STXBP5L: variants seen among roughly 807,000 people sequenced by gnomAD.
STXBP5L encodes syntaxin-binding protein 5-like.
A neutral mutation model predicts 144.5 loss-of-function variants in STXBP5L; 65 were observed. The observed-to-expected ratio is 0.45, with a 90% confidence interval of 0.37 to 0.55. STXBP5L has a LOEUF of 0.55. STXBP5L is among the 20% of genes least tolerant of loss of function. STXBP5L has a pLI of 0.00. For missense variants in STXBP5L, 1,298 were observed against 1,405.5 expected (o/e 0.92, Z 1.22); for synonymous variants, 505 against 469.6 (o/e 1.08, Z -0.97).
chr3:121,233,798 G>C (rs2049383207), intron 12 of STXBP5L, 110 bp downstream of exon 12: 1 of 831,690 alleles, frequency 1.2e-6, no homozygotes, highest in South Asian at 2.4e-5. Flanking sequence ...TGGTTTGCTA[G>C]AATTACAGAA....
chr3:121,165,659 G>A (rs912784518), intron 9 of STXBP5L, among the ~76,000 whole-genome samples: 1 of 152,046 alleles, frequency 6.6e-6, no homozygotes, highest in African/African-American at 2.4e-5. Context: ...GAAAAAAAGG[G>A]AAACAAGGAC....
chr3:120,933,806 T>C (rs926575317), intron 2 of STXBP5L, among the ~76,000 whole-genome samples: 14 of 152,140 alleles, frequency 9.2e-5, no homozygotes, highest in African/African-American at 2.9e-4. Context: ...TAGCTTGATC[T>C]TGAAGAACTA....
intron 3 of STXBP5L, among the ~76,000 whole-genome samples, chr3:121,023,077 C>G (rs1303127840): frequency 6.6e-6 from 1 of 151,830 alleles, no homozygotes; most frequent in Non-Finnish European, 1.5e-5. Context: ...ATAATGCACA[C>G]AAATCAGTAG....
chr3:121,179,778 G>A (rs1158698274), intron 9 of STXBP5L, among the ~76,000 whole-genome samples: 1 of 152,036 alleles, frequency 6.6e-6, no homozygotes. Context: ...CACACTTAGG[G>A]AAATACAAAA....
In STXBP5L at chr3:120,977,698, A is replaced by G. The variant is rs545344360; in HGVS notation, c.287+22661A>G. On this transcript the variant is annotated intron_variant, in intron 3 of 26. Coordinates refer to ENST00000471454, the MANE Select transcript of STXBP5L (RefSeq NM_001308330.2). ...TGGCTGGTACCAGTTGTTTCTTTCC[A>G]TGTTTAGTGCTTCCTTCAGGAGCTC... Among the ~76,000 whole-genome samples, 16 of 152,058 alleles carry G rather than the reference A, an allele frequency of 1.1e-4. No homozygotes were observed. In the South Asian group the frequency reaches 3.1e-3, roughly 30 times the overall value.
At chr3:120,917,592 G>A (rs1288154749) in intron 2 of STXBP5L, among the ~76,000 whole-genome samples, 2 of 152,028 alleles carry the variant, frequency 1.3e-5, no homozygotes, top group South Asian at 2.1e-4. Flanking sequence ...CTACTGAGGA[G>A]GATGAGGGGG....
chr3:121,259,233 CCTTG>C, intron 18 of STXBP5L, 65 bp downstream of exon 18: 1 of 1,293,420 alleles, frequency 7.7e-7, no homozygotes, highest in Non-Finnish European at 1.0e-6. Context: ...TTTAGATGTT[CCTTG>C]CTTAAGTCCT....
chr3:120,975,904 A>T (rs919187720), intron 3 of STXBP5L, among the ~76,000 whole-genome samples: 23 of 152,104 alleles, frequency 1.5e-4, no homozygotes, highest in African/African-American at 5.6e-4. Context: ...CCACTTGATC[A>T]TGGTGGATAA....
chr3:121,358,190 C>T (rs575708791), intron 20 of STXBP5L, among the ~76,000 whole-genome samples: 1 of 152,078 alleles, frequency 6.6e-6, no homozygotes, highest in Admixed American at 6.5e-5. Context: ...ATTGTTCTGT[C>T]AAATAGTAGG....
chr3:121,322,368 C>T (rs2043999975), intron 20 of STXBP5L, among the ~76,000 whole-genome samples: 1 of 150,788 alleles, frequency 6.6e-6, no homozygotes, highest in African/African-American at 2.4e-5. Flanking sequence ...ATCCCAGCTA[C>T]TAGGGAGGCT....
intron 6 of STXBP5L, among the ~76,000 whole-genome samples, chr3:121,120,078 T>C (rs536287465): frequency 1.3e-3 from 202 of 151,518 alleles, no homozygotes; most frequent in Admixed American, 2.0e-3. Flanking sequence ...ATTTGCATAG[T>C]ACAGGCTCTA....
intron 2 of STXBP5L, among the ~76,000 whole-genome samples, chr3:120,946,956 G>C (rs528050838): frequency 2.4e-4 from 36 of 151,634 alleles, no homozygotes; most frequent in Non-Finnish European, 4.4e-4. Context: ...CCTTAACTCA[G>C]GGTAGTATGA....
intron 11 of STXBP5L, among the ~76,000 whole-genome samples, chr3:121,230,437 T>G (rs995424521): frequency 5.4e-5 from 8 of 149,128 alleles, no homozygotes; most frequent in Non-Finnish European, 8.9e-5. Flanking sequence ...GACTTGTACA[T>G]GCAGCCAGAT....
At chr3:120,957,504 T>A (rs527967367) in intron 3 of STXBP5L, among the ~76,000 whole-genome samples, 10 of 152,190 alleles carry the variant, frequency 6.6e-5, no homozygotes, top group African/African-American at 2.4e-4. Flanking sequence ...CTTGTAGTGT[T>A]CTTTTTTGTT....
chr3:121,053,558 G>A (rs930193511), intron 5 of STXBP5L, among the ~76,000 whole-genome samples: 1 of 150,334 alleles, frequency 6.7e-6, no homozygotes, highest in Non-Finnish European at 1.5e-5. Context: ...GCTGAATTTG[G>A]ATCCCTTACA....
intron 22 of STXBP5L, among the ~76,000 whole-genome samples, chr3:121,390,371 C>A (rs1017125449): frequency 7.2e-5 from 11 of 152,074 alleles, no homozygotes; most frequent in South Asian, 2.1e-4. Flanking sequence ...TTAATTGGGG[C>A]ATTTAGCTCA....
chr3:121,030,774 C>A (rs7650148), intron 3 of STXBP5L, among the ~76,000 whole-genome samples: 1 of 151,690 alleles, frequency 6.6e-6, no homozygotes, highest in Non-Finnish European at 1.5e-5. Context: ...TTAACATGTC[C>A]TGTAGAAGAT....
intron 7 of STXBP5L, among the ~76,000 whole-genome samples, chr3:121,126,933 C>T (rs576046977): frequency 1.1e-4 from 16 of 152,176 alleles, no homozygotes; most frequent in Non-Finnish European, 2.1e-4. Context: ...ACTCTTCTTC[C>T]GCAATTGTGC....
intron 19 of STXBP5L, among the ~76,000 whole-genome samples, chr3:121,297,506 C>A (rs1050367038): frequency 3.7e-4 from 57 of 152,142 alleles, no homozygotes; most frequent in African/African-American, 1.3e-3. Flanking sequence ...ATAATCCTAG[C>A]ACTTTGGGAG....
Sources: allele counts gnomAD v4.1 joint callset (sites outside exome capture counted in the v4.1 genomes callset), GRCh38; gene constraint gnomAD v4.1.1; transcripts MANE v1.5; gene names NCBI Gene and HGNC (gene_info 2026-07-23, HGNC 2026-07-21).